MPND: variants seen among roughly 807,000 people sequenced by gnomAD.
The protein encoded by MPND is MPN domain-containing protein.
In MPND, 56 loss-of-function variants were observed where a neutral mutation model predicts 59.2. The ratio of observed to expected loss-of-function variants is 0.95; its 90% confidence interval spans 0.76 to 1.18. The LOEUF is 1.18. Ranked by LOEUF, MPND falls within the 50% of genes most tolerant of loss-of-function variation. The pLI is 0.00. For missense variants in MPND, 671 were observed against 676.0 expected, an observed-to-expected ratio of 0.99 and a Z score of 0.08; for synonymous variants, 323 against 291.9, an observed-to-expected ratio of 1.11 and a Z score of -1.09.
chr19:4,353,361 G>A (rs1263047386), intron 4 of MPND, among the ~76,000 whole-genome samples: 3 of 151,992 alleles, frequency 2.0e-5, no homozygotes, highest in African/African-American at 7.3e-5. Context: ...TCTGCCTCCC[G>A]GGTTCAAGCG....
intron 8 of MPND, among the ~76,000 whole-genome samples, chr19:4,356,206 C>G (rs987015789): frequency 6.6e-6 from 1 of 152,076 alleles, no homozygotes; most frequent in African/African-American, 2.4e-5. Flanking sequence ...CGCCAGCCCC[C>G]TCCCCTCTCA....
At chr19:4,359,745 G>A (rs549787241) in intron 12 of MPND, among the ~76,000 whole-genome samples, 171 bp from the exon 13 acceptor site, 4 of 152,240 alleles carry the variant, frequency 2.6e-5, no homozygotes, top group South Asian at 2.1e-4. Context: ...CCAGGCCCTC[G>A]GTTACATACT....
At chr19:4,350,954 C>A (rs146027033) in intron 3 of MPND, among the ~76,000 whole-genome samples, 1 of 151,882 alleles carries the variant, frequency 6.6e-6, no homozygotes, top group Non-Finnish European at 1.5e-5. Flanking sequence ...GCGTGGGATC[C>A]GGGGGTTGTG....
intron 3 of MPND, 112 bp downstream of exon 3, chr19:4,346,093 A>G: frequency 1.1e-6 from 1 of 896,790 alleles, no homozygotes; most frequent in Admixed American, 2.4e-5. Context: ...ACAAACACGG[A>G]TGGAGCCCTT....
At chr19:4,355,205 G>GAA in intron 8 of MPND, 32 bp downstream of exon 8, 1 of 1,607,678 alleles carries the variant, frequency 6.2e-7, no homozygotes, top group African/African-American at 1.3e-5. Context: ...GGCATTCTGG[G>GAA]GAGGGTTGGG....
At chr19:4,349,893 G>C (rs762069575) in intron 3 of MPND, among the ~76,000 whole-genome samples, 15 of 152,224 alleles carry the variant, frequency 9.9e-5, no homozygotes, top group Non-Finnish European at 1.9e-4. Context: ...GTAATGCCTA[G>C]ATCAGTGTTC....
At chr19:4,355,235 G>T in intron 8 of MPND, 62 bp downstream of exon 8, 1 of 1,563,298 alleles carries the variant, frequency 6.4e-7, no homozygotes, top group Non-Finnish European at 8.7e-7. Flanking sequence ...AGCTGTCCTG[G>T]CGACTGCCCA....
Position 4,354,934 on chromosome 19 carries a change from TC to T in MPND, c.847-13del. ...ACAGCCTGAGCCAGTCTTTTGCTGTTCCTCCCTTCCCCAGGACTTCCACAGT... is the reference window on the plus strand; with the variant it reads ...ACAGCCTGAGCCAGTCTTTTGCTGTTCTCCCTTCCCCAGGACTTCCACAGT... On this transcript the variant is annotated splice_polypyrimidine_tract_variant and intron_variant, in intron 6 of 12. Transcript: ENST00000599840. The T allele has an allele frequency of 6.4e-7, 1 of 1,572,336 alleles. No homozygotes were observed. Among genetic ancestry groups the T allele is most frequent in the Non-Finnish European group, 8.6e-7 (1 of 1,156,552 alleles).
rs1400225976 is a variant in MPND, at chr19:4,358,070, G to C, written c.1237-13G>C. On this transcript the variant is annotated splice_polypyrimidine_tract_variant and intron_variant, in intron 10 of 12. Coordinates refer to ENST00000599840, the MANE Select transcript of MPND (RefSeq NM_001300862.2). ...CTGGTGAGGCTTCTCTCACTGGTCT[G>C]TGTCCCTGCCAGCAAAGGCCCAGTG... The C allele has an allele frequency of 6.5e-7, 1 of 1,549,914 alleles. No individual in the cohort carries two copies. Among genetic ancestry groups the C allele is most frequent in the African/African-American group, 1.4e-5 (1 of 73,046 alleles).
chr19:4,352,965 G>A lies in MPND; in HGVS notation c.600G>A (p.Gly200=). Residue 200 remains glycine, a synonymous_variant, in exon 4 of 13, where the codon GGG becomes GGA. Coordinates refer to ENST00000599840, the MANE Select transcript of MPND (RefSeq NM_001300862.2). ...MEEEEEDVLA[G]VSAEDKSRRP... is the part of the protein sequence containing the mutation. ...AGGAGGAGGAGGACGTTCTGGCAGG[G>A]GTCTCAGCAGAGGACAAGAGTCGGA... 2.2e-6 allele frequency: 3 copies of A among 1,392,504 alleles called. No homozygotes were observed. Among genetic ancestry groups the A allele is most frequent in the Non-Finnish European group, 2.8e-6 (3 of 1,065,784 alleles). 86.3% of individuals were successfully genotyped at this position (1,392,504 alleles called of 1,614,324 possible).
chr19:4,356,993 C>A, intron 8 of MPND: 1 of 378,032 alleles, frequency 2.6e-6, no homozygotes, highest in East Asian at 3.9e-5. Context: ...ATTCTGTAAG[C>A]TGGGCTACAG....
At chr19:4,347,761 C>A in intron 3 of MPND, 1 of 692,058 alleles carries the variant, frequency 1.4e-6, no homozygotes, top group Admixed American at 2.6e-5. Flanking sequence ...ATGAACCTGC[C>A]CGACGCAGTG....
chr19:4,349,221 C>G (rs907459612), intron 3 of MPND, among the ~76,000 whole-genome samples: 1 of 152,032 alleles, frequency 6.6e-6, no homozygotes, highest in Admixed American at 6.6e-5. Flanking sequence ...GGGCGCGCCA[C>G]CAAGCTCAGC....
chr19:4,346,822 G>C (rs1436608381), intron 3 of MPND, among the ~76,000 whole-genome samples: 1 of 150,350 alleles, frequency 6.7e-6, no homozygotes, highest in Non-Finnish European at 1.5e-5. Flanking sequence ...ACGAGGTCAA[G>C]AGATCCAGAC....
chr19:4,359,798 C>T (rs1314589444), intron 12 of MPND, 118 bp from the exon 13 acceptor site: 3 of 755,088 alleles, frequency 4.0e-6, no homozygotes, highest in East Asian at 2.8e-5. Flanking sequence ...GGACCCCAGC[C>T]CTGTGCCTCG....
At chr19:4,346,970 C>A (rs758844880) in intron 3 of MPND, among the ~76,000 whole-genome samples, 68 of 152,026 alleles carry the variant, frequency 4.5e-4, no homozygotes, top group Admixed American at 7.9e-4. Flanking sequence ...GCGGAGGTTG[C>A]AGTGAGCTGA....
Position 4,360,046 on chromosome 19 carries a change from A to G in MPND, c.*44A>G. The G allele has an allele frequency of 6.6e-7, 1 of 1,504,912 alleles. No homozygotes were observed. Among genetic ancestry groups the G allele is most frequent in the Non-Finnish European group, 9.0e-7 (1 of 1,106,558 alleles). The allele number at this position is 1,504,912 out of a possible 1,614,324, so 93.2% of individuals were successfully genotyped here. ...GGCTCCAGTTGTCTTGAGGGTCCGGATGGGCTCAGGTAATAAAGAAACGGA... is the reference window on the plus strand; with the variant it reads ...GGCTCCAGTTGTCTTGAGGGTCCGGGTGGGCTCAGGTAATAAAGAAACGGA... On this transcript the variant is annotated 3_prime_UTR_variant, in exon 13 of 13. Transcript: ENST00000599840.
intron 10 of MPND, chr19:4,357,815 ACCCTGCCTGG>A: frequency 1.6e-6 from 1 of 608,782 alleles, no homozygotes; most frequent in South Asian, 2.0e-5. Context: ...TCCCTTCCTG[ACCCTGCCTGG>A]CTTCATTCCC....
At chr19:4,345,549 G>A (rs1261225950) in intron 2 of MPND, among the ~76,000 whole-genome samples, 196 bp from the exon 3 acceptor site, 1 of 152,192 alleles carries the variant, frequency 6.6e-6, no homozygotes, top group Non-Finnish European at 1.5e-5. Flanking sequence ...TATCTGCCAG[G>A]CAGCTTGGTG....
Sources: gnomAD v4.1 joint callset for allele counts (sites outside exome capture counted in the v4.1 genomes callset) on GRCh38, gnomAD v4.1.1 for gene constraint, MANE v1.5 for transcripts, NCBI Gene and HGNC (gene_info 2026-07-23, HGNC 2026-07-21) for gene names.